Variants in APTX observed in about 807,000 individuals in gnomAD.
APTX encodes the protein forkhead-associated domain histidine triad-like protein.
Under a neutral mutation model 42.3 loss-of-function variants are expected in APTX, and 33 were observed. That is an observed-to-expected ratio of 0.78 (90% confidence interval 0.59 to 1.04). APTX has a LOEUF of 1.04. Among genes scored for constraint, APTX ranks in the 50% least tolerant of loss-of-function variants. The pLI is 0.00. For synonymous variants in APTX, 130 were observed against 146.7 expected (o/e 0.89, Z 0.82); for missense variants, 421 against 415.1 (o/e 1.01, Z -0.12).
At chr9:32,992,542 G>A (rs1010503706) in intron 1 of APTX, among the ~76,000 whole-genome samples, 14 of 152,200 alleles carry the variant, frequency 9.2e-5, no homozygotes, top group African/African-American at 3.1e-4. Flanking sequence ...ATAGGTCGGG[G>A]TAAAAGCAGA....
At chr9:33,020,068 C>T (rs1556252) in intron 1 of APTX, 31,740 of 392,796 alleles carry the variant, frequency 0.081, 1,634 homozygotes, top group Non-Finnish European at 0.11. Context: ...CCCGGGGCAG[C>T]TGTGATCACC....
At chr9:33,006,002 G>A (rs893766855), upstream of APTX, among the ~76,000 whole-genome samples, 1 of 151,906 alleles carries the variant, frequency 6.6e-6, no homozygotes, top group Non-Finnish European at 1.5e-5. Flanking sequence ...TTGAAATCAG[G>A]AAGTATAAGA....
At chr9:33,003,854 G>T (rs1225390838), upstream of APTX, among the ~76,000 whole-genome samples, 1 of 152,136 alleles carries the variant, frequency 6.6e-6, no homozygotes, top group African/African-American at 2.4e-5. Context: ...TTTTAAAGCT[G>T]AATAACACTC....
intron 1 of APTX, among the ~76,000 whole-genome samples, chr9:33,013,124 AATAGG>A (rs1837653005): frequency 6.6e-6 from 1 of 152,248 alleles, no homozygotes; most frequent in African/African-American, 2.4e-5. Context: ...CCTCTGTTTG[AATAGG>A]ATAATTTCTA....
At chr9:32,977,778 C>T (rs1829786850) in intron 6 of APTX, among the ~76,000 whole-genome samples, 1 of 151,820 alleles carries the variant, frequency 6.6e-6, no homozygotes, top group Non-Finnish European at 1.5e-5. Flanking sequence ...TTTCAGGGAG[C>T]TGAGATTGCA....
At chr9:32,986,726 C>T (rs1326307066) in intron 4 of APTX, among the ~76,000 whole-genome samples, 1 of 152,006 alleles carries the variant, frequency 6.6e-6, no homozygotes, top group Non-Finnish European at 1.5e-5. Flanking sequence ...GTCTCGAACT[C>T]CTGACCTCAG....
intron 1 of APTX, among the ~76,000 whole-genome samples, chr9:32,990,298 G>A (rs946940658): frequency 2.0e-5 from 3 of 152,076 alleles, no homozygotes; most frequent in Non-Finnish European, 4.4e-5. Flanking sequence ...TTAGCCTCCT[G>A]AGTAGCTGGG....
intron 1 of APTX, among the ~76,000 whole-genome samples, chr9:33,016,984 A>T (rs1301258178): frequency 1.3e-5 from 2 of 152,342 alleles, no homozygotes; most frequent in Admixed American, 1.3e-4. Context: ...CTTGCGATAT[A>T]TTATAAAACA....
intron 1 of APTX, among the ~76,000 whole-genome samples, chr9:32,993,872 C>A (rs1834225221): frequency 6.6e-6 from 1 of 152,056 alleles, no homozygotes; most frequent in Non-Finnish European, 1.5e-5. Flanking sequence ...GGGTGCATTA[C>A]CACACCTGAC....
chr9:32,992,151 T>C (rs1833795917), intron 1 of APTX, among the ~76,000 whole-genome samples: 1 of 152,134 alleles, frequency 6.6e-6, no homozygotes, highest in South Asian at 2.1e-4. Flanking sequence ...TGCTCAAGCC[T>C]CTAACATGCC....
intron 6 of APTX, among the ~76,000 whole-genome samples, chr9:32,983,635 G>T (rs1371364910): frequency 6.6e-6 from 1 of 152,012 alleles, no homozygotes; most frequent in African/African-American, 2.4e-5. Flanking sequence ...GTGAGTGTTG[G>T]TAGTTAAAAA....
At chr9:32,993,758 G>C (rs1469745425) in intron 1 of APTX, among the ~76,000 whole-genome samples, 1 of 132,076 alleles carries the variant, frequency 7.6e-6, no homozygotes, top group Non-Finnish European at 1.6e-5. Context: ...TTTTGCTGTT[G>C]CCCAGGCTGG....
chr9:33,021,503 T>C (rs1416086906), intron 1 of APTX, among the ~76,000 whole-genome samples: 1 of 152,190 alleles, frequency 6.6e-6, no homozygotes, highest in African/African-American at 2.4e-5. Flanking sequence ...AGTAGTACCA[T>C]GTATTTCAGT....
At chr9:33,001,464 T>C (rs746209448) in intron 1 of APTX, 103 bp downstream of exon 1, 2 of 1,590,126 alleles carry the variant, frequency 1.3e-6, no homozygotes, top group Non-Finnish European at 1.7e-6. Context: ...GAAAGCAGCG[T>C]CATTCAAGGC....
At chr9:32,984,031 T>TA (rs982245195) in intron 6 of APTX, among the ~76,000 whole-genome samples, 8 of 152,204 alleles carry the variant, frequency 5.3e-5, no homozygotes, top group Admixed American at 2.6e-4. Flanking sequence ...CACAGTTTTT[T>TA]AAAAACAAAA....
intron 1 of APTX, among the ~76,000 whole-genome samples, chr9:33,018,343 G>A (rs1838071738): frequency 1.3e-5 from 2 of 151,732 alleles, no homozygotes; most frequent in South Asian, 2.1e-4. Context: ...CGAGGTGGGC[G>A]GATCACCTGA....
chr9:32,992,713 A>G (rs1833919849), intron 1 of APTX, among the ~76,000 whole-genome samples: 2 of 152,206 alleles, frequency 1.3e-5, no homozygotes, highest in African/African-American at 4.8e-5. Flanking sequence ...CATCCAAAGA[A>G]CACTTAACAG....
chr9:32,999,387 A>G (rs1014078046), intron 1 of APTX, among the ~76,000 whole-genome samples: 1 of 152,224 alleles, frequency 6.6e-6, no homozygotes, highest in African/African-American at 2.4e-5. Flanking sequence ...TAAAGTTATA[A>G]TGGACCACCA....
At chr9:33,003,631 C>CAA (rs138295580), upstream of APTX, among the ~76,000 whole-genome samples, 3 of 148,314 alleles carry the variant, frequency 2.0e-5, no homozygotes, top group Non-Finnish European at 4.5e-5. Flanking sequence ...GACTCTGCCT[C>CAA]AAAAAAAAAA....
Sources: allele counts gnomAD v4.1 joint callset (sites outside exome capture counted in the v4.1 genomes callset), GRCh38; gene constraint gnomAD v4.1.1; transcripts MANE v1.5; gene names NCBI Gene and HGNC (gene_info 2026-07-23, HGNC 2026-07-21).